ARHGAP32: variants seen among roughly 807,000 people sequenced by gnomAD.
The protein encoded by ARHGAP32 is Rho GTPase activating protein 32.
In ARHGAP32, 51 loss-of-function variants were observed where a neutral mutation model predicts 186.5. The observed-to-expected ratio is 0.27, with a 90% CI of 0.22 to 0.35. The LOEUF (loss-of-function observed/expected upper bound fraction) is 0.35. Among genes scored for constraint, ARHGAP32 ranks in the 10% least tolerant of loss-of-function variants. ARHGAP32 has a pLI of 1.00. For missense variants in ARHGAP32, 2,186 were observed against 2,623.5 expected (o/e 0.83, Z 3.64); for synonymous variants, 950 against 964.3 (o/e 0.99, Z 0.27).
chr11:128,968,379 C>G lies in ARHGAP32; in HGVS notation c.*528G>C, dbSNP rs1945266656. 6.6e-6 allele frequency: 1 copy of G among 152,114 alleles called. No individual in the cohort carries two copies. The highest frequency in any genetic ancestry group is 1.5e-5 in the Non-Finnish European group (1 of 68,028). The allele number at this position is 152,114 out of a possible 1,614,324, so 9.4% of individuals were successfully genotyped here. ...TGACCTTGAAGGATCAGGGATTTTT[C>G]CACGACTCTAACTGAACACAAGATC... On this transcript the variant is annotated 3_prime_UTR_variant, in exon 23 of 23. Coordinates refer to ENST00000682385, the MANE Select transcript of ARHGAP32 (RefSeq NM_001378024.1).
intron 1 of ARHGAP32, among the ~76,000 whole-genome samples, chr11:129,230,172 A>G (rs976044047): frequency 6.6e-6 from 1 of 152,104 alleles, no homozygotes; most frequent in African/African-American, 2.4e-5. Context: ...AAGAATTGGG[A>G]CATTGGGTGG....
chr11:128,998,623 A>G (rs1249936765), intron 11 of ARHGAP32, among the ~76,000 whole-genome samples, 155 bp from the exon 12 acceptor site: 1 of 152,244 alleles, frequency 6.6e-6, no homozygotes, highest in Non-Finnish European at 1.5e-5. Context: ...AGTTTAAGCT[A>G]AGAGTTGTGT....
At chr11:129,130,017 C>T (rs1295260698) in intron 2 of ARHGAP32, among the ~76,000 whole-genome samples, 2 of 152,138 alleles carry the variant, frequency 1.3e-5, no homozygotes, top group South Asian at 4.1e-4. Context: ...AATATGCCAA[C>T]ATAGTTAATA....
intron 1 of ARHGAP32, among the ~76,000 whole-genome samples, chr11:129,240,262 A>G (rs998519699): frequency 5.9e-5 from 9 of 152,062 alleles, no homozygotes; most frequent in African/African-American, 2.2e-4. Context: ...CAGACTTTGG[A>G]GTCAGACTGC....
chr11:129,111,301 T>C (rs2135340146), intron 5 of ARHGAP32, among the ~76,000 whole-genome samples: 1 of 152,334 alleles, frequency 6.6e-6, no homozygotes, highest in Non-Finnish European at 1.5e-5. Context: ...TATTTTTTGA[T>C]GTGCTGTTGG....
intron 6 of ARHGAP32, among the ~76,000 whole-genome samples, chr11:129,079,960 A>G (rs1941172996): frequency 6.6e-6 from 1 of 152,242 alleles, no homozygotes; most frequent in Admixed American, 6.5e-5. Flanking sequence ...CTATTCTTAC[A>G]TGAGACAAAA....
intron 11 of ARHGAP32, among the ~76,000 whole-genome samples, chr11:129,007,481 C>T (rs1327939245): frequency 2.0e-5 from 3 of 151,990 alleles, no homozygotes; most frequent in Non-Finnish European, 2.9e-5. Flanking sequence ...AGTGGGTTCC[C>T]TTCTGGCCCC....
intron 1 of ARHGAP32, among the ~76,000 whole-genome samples, chr11:129,217,531 T>C (rs1022799001): frequency 6.6e-6 from 1 of 152,182 alleles, no homozygotes; most frequent in African/African-American, 2.4e-5. Flanking sequence ...TCTATGAGCA[T>C]TTTCTAGAGC....
chr11:129,107,722 G>T (rs1406190958), intron 5 of ARHGAP32, among the ~76,000 whole-genome samples: 1 of 152,020 alleles, frequency 6.6e-6, no homozygotes, highest in African/African-American at 2.4e-5. Flanking sequence ...TACAAAATTA[G>T]CCAGATTTGG....
chr11:129,008,642 G>A (rs530823491), intron 11 of ARHGAP32, among the ~76,000 whole-genome samples: 16 of 152,146 alleles, frequency 1.1e-4, no homozygotes, highest in South Asian at 6.2e-4. Flanking sequence ...ATTCTAGACC[G>A]TAACACAGAT....
chr11:129,118,427 T>C (rs138339351), intron 5 of ARHGAP32, among the ~76,000 whole-genome samples: 1,542 of 152,156 alleles, frequency 0.01, 20 homozygotes, highest in Middle Eastern at 0.054. Flanking sequence ...AAAAATTTGG[T>C]TGATCAGTAA....
At chr11:129,100,358 G>GCAGC (rs1192854816) in intron 5 of ARHGAP32, among the ~76,000 whole-genome samples, 2 of 152,134 alleles carry the variant, frequency 1.3e-5, no homozygotes, top group Admixed American at 1.3e-4. Flanking sequence ...TGCTTGCAGG[G>GCAGC]CAGCCTCACA....
intron 22 of ARHGAP32, 140 bp from the exon 23 acceptor site, chr11:128,971,299 T>C (rs1488904595): frequency 1.6e-6 from 1 of 642,498 alleles, no homozygotes; most frequent in Non-Finnish European, 2.6e-6. Flanking sequence ...AATGAATCTG[T>C]ACCCATTTCT....
chr11:129,029,391 C>T (rs1938998195), intron 11 of ARHGAP32, among the ~76,000 whole-genome samples: 1 of 152,162 alleles, frequency 6.6e-6, no homozygotes, highest in Admixed American at 6.5e-5. Context: ...GGGCTTGGTG[C>T]GCAGTCAGGG....
At chr11:129,096,974 C>T (rs1213714139) in intron 5 of ARHGAP32, among the ~76,000 whole-genome samples, 1 of 152,174 alleles carries the variant, frequency 6.6e-6, no homozygotes, top group African/African-American at 2.4e-5. Flanking sequence ...TAAGTTCCAA[C>T]TCAGGCTGAT....
intron 18 of ARHGAP32, 31 bp from the exon 19 acceptor site, chr11:128,978,946 G>A: frequency 6.3e-7 from 1 of 1,581,654 alleles, no homozygotes. Context: ...TCAACATTAA[G>A]ATAGCCATGG....
chr11:129,128,591 T>TCC (rs1942716703), intron 2 of ARHGAP32, among the ~76,000 whole-genome samples: 1 of 44,708 alleles, frequency 2.2e-5, no homozygotes, highest in South Asian at 9.0e-4. Context: ...CCCCTCCCCC[T>TCC]CCCTCTCCCC....
At chr11:128,997,936 T>C (rs1946246544) in intron 12 of ARHGAP32, among the ~76,000 whole-genome samples, 1 of 146,526 alleles carries the variant, frequency 6.8e-6, no homozygotes, top group African/African-American at 2.5e-5. Context: ...TGGCATTTTA[T>C]GTCTCAAAAC....
intron 5 of ARHGAP32, among the ~76,000 whole-genome samples, chr11:129,112,465 T>C (rs995802613): frequency 6.6e-6 from 1 of 151,464 alleles, no homozygotes. Context: ...GTTAGTTTGT[T>C]TTTTTTTTAA....
Sources: allele counts gnomAD v4.1 joint callset (sites outside exome capture counted in the v4.1 genomes callset), GRCh38; gene constraint gnomAD v4.1.1; transcripts MANE v1.5; gene names NCBI Gene and HGNC (gene_info 2026-07-23, HGNC 2026-07-21).